Variants in ARHGAP28 observed in about 807,000 individuals in gnomAD.
ARHGAP28 encodes the protein Rho GTPase activating protein 28.
Under a neutral mutation model 90.7 loss-of-function variants are expected in ARHGAP28, and 56 were observed. That is an observed-to-expected ratio of 0.62 (90% CI 0.50 to 0.77). ARHGAP28 has a LOEUF of 0.77. Among genes scored for constraint, ARHGAP28 ranks in the 30% least tolerant of loss-of-function variants. ARHGAP28 has a pLI of 0.00. For missense variants in ARHGAP28, 869 were observed against 900.9 expected, an observed-to-expected ratio of 0.96 and a Z score of 0.45; for synonymous variants, 308 against 323.3, an observed-to-expected ratio of 0.95 and a Z score of 0.51.
chr18:6,775,980 A>G (rs1404366927), intron 1 of ARHGAP28, among the ~76,000 whole-genome samples: 2 of 152,188 alleles, frequency 1.3e-5, no homozygotes, highest in African/African-American at 4.8e-5. Context: ...TCTTAAAGCC[A>G]AAGTGGGGAA....
At chr18:6,802,512 A>G (rs1380844828) in intron 1 of ARHGAP28, among the ~76,000 whole-genome samples, 1 of 151,546 alleles carries the variant, frequency 6.6e-6, no homozygotes, top group African/African-American at 2.4e-5. Flanking sequence ...CATCTGGCTA[A>G]TTTTTGTATT....
chr18:6,837,302 C>A lies in ARHGAP28; in HGVS notation c.431C>A (p.Thr144Asn). 6.2e-7 allele frequency: 1 copy of A among 1,613,072 alleles called. No individual in the cohort carries two copies. Among genetic ancestry groups the A allele is most frequent in the Non-Finnish European group, 8.5e-7 (1 of 1,179,640 alleles). The change falls in exon 3 of 18, where the codon ACC (threonine) becomes AAC (asparagine). Residue 144 changes from threonine (T) to asparagine (N), a missense_variant. Physicochemically the swap from Thr to Asn is moderately conservative, Grantham distance 65. Transcript: ENST00000383472. Reference protein sequence around the residue: ...GKALLSTLTRTQAAAVQKRYH... With the variant: ...GKALLSTLTRNQAAAVQKRYH... ...GCCTTGCTCTCCACATTGACTCGAA[C>A]CCAAGCAGCTGCCGTGCAAAAGAGA...
At chr18:6,894,088 A>G (rs2057287345) in intron 14 of ARHGAP28, among the ~76,000 whole-genome samples, 1 of 152,052 alleles carries the variant, frequency 6.6e-6, no homozygotes, top group Non-Finnish European at 1.5e-5. Flanking sequence ...AGGATGGTCT[A>G]GATCTCCCGA....
At chr18:6,841,599 T>G (rs2056828588) in intron 3 of ARHGAP28, among the ~76,000 whole-genome samples, 1 of 152,064 alleles carries the variant, frequency 6.6e-6, no homozygotes, top group Non-Finnish European at 1.5e-5. Flanking sequence ...CTTAATTTTT[T>G]TTTGCACATA....
chr18:6,827,451 G>T (rs1415719927), intron 2 of ARHGAP28, among the ~76,000 whole-genome samples: 1 of 146,992 alleles, frequency 6.8e-6, no homozygotes, highest in Non-Finnish European at 1.5e-5. Context: ...GGGGCGGCTG[G>T]CCGGGCAGAG....
chr18:6,848,293 T>C (rs1250124444), intron 3 of ARHGAP28, among the ~76,000 whole-genome samples: 3 of 152,144 alleles, frequency 2.0e-5, no homozygotes, highest in Non-Finnish European at 4.4e-5. Context: ...CAATATAATA[T>C]ATTTCTAGGT....
chr18:6,795,222 C>T (rs1042866305), intron 1 of ARHGAP28, among the ~76,000 whole-genome samples: 1 of 152,090 alleles, frequency 6.6e-6, no homozygotes, highest in Non-Finnish European at 1.5e-5. Flanking sequence ...AAAAGCAACG[C>T]GTTTTCATTG....
chr18:6,887,832 A>C (rs1029863769), intron 12 of ARHGAP28, among the ~76,000 whole-genome samples: 1 of 152,226 alleles, frequency 6.6e-6, no homozygotes, highest in Non-Finnish European at 1.5e-5. Context: ...AGAGGCAAAA[A>C]TGAAGGCTTA....
chr18:6,817,968 G>A (rs1028560771), intron 1 of ARHGAP28, among the ~76,000 whole-genome samples: 3 of 152,148 alleles, frequency 2.0e-5, no homozygotes, highest in Non-Finnish European at 2.9e-5. Flanking sequence ...ACATTTTTAT[G>A]TACTTGTTAT....
At chr18:6,765,376 G>A (rs1472755990) in intron 1 of ARHGAP28, among the ~76,000 whole-genome samples, 1 of 152,036 alleles carries the variant, frequency 6.6e-6, no homozygotes, top group Non-Finnish European at 1.5e-5. Context: ...ATCTTTCAAG[G>A]CATTTGTCCA....
intron 1 of ARHGAP28, among the ~76,000 whole-genome samples, chr18:6,801,662 G>C (rs181447720): frequency 6.6e-6 from 1 of 151,998 alleles, no homozygotes; most frequent in African/African-American, 2.4e-5. Flanking sequence ...TATTTTGGGA[G>C]TACCTAAGAT....
intron 1 of ARHGAP28, among the ~76,000 whole-genome samples, chr18:6,805,431 C>T (rs2056510756): frequency 6.6e-6 from 1 of 151,078 alleles, no homozygotes; most frequent in South Asian, 2.1e-4. Flanking sequence ...TATTTATGTC[C>T]AGCATACTGT....
At chr18:6,809,542 A>G (rs1286459344) in intron 1 of ARHGAP28, among the ~76,000 whole-genome samples, 1 of 152,138 alleles carries the variant, frequency 6.6e-6, no homozygotes, top group African/African-American at 2.4e-5. Flanking sequence ...ATCAGGGCAG[A>G]AGGTGAAGGG....
intron 1 of ARHGAP28, among the ~76,000 whole-genome samples, chr18:6,794,427 C>A (rs993883120): frequency 2.0e-5 from 3 of 152,152 alleles, no homozygotes; most frequent in African/African-American, 4.8e-5. Context: ...TGCAGAGGAA[C>A]CTTGGAACTG....
chr18:6,900,320 G>T (rs939620391), intron 16 of ARHGAP28, among the ~76,000 whole-genome samples: 3 of 151,928 alleles, frequency 2.0e-5, no homozygotes, highest in African/African-American at 7.3e-5. Flanking sequence ...AACAAACCAC[G>T]AAGTCAACAC....
intron 14 of ARHGAP28, among the ~76,000 whole-genome samples, chr18:6,890,937 G>C (rs2057260560): frequency 6.6e-6 from 1 of 152,202 alleles, no homozygotes. Flanking sequence ...TAAAGGAATA[G>C]CTAATCCTTA....
At chr18:6,841,278 T>A (rs1031305322) in intron 3 of ARHGAP28, among the ~76,000 whole-genome samples, 2 of 132,776 alleles carry the variant, frequency 1.5e-5, no homozygotes, top group African/African-American at 2.9e-5. Flanking sequence ...TTGGTCTCCC[T>A]CCCTATTCCT....
In ARHGAP28 at chr18:6,859,095, C is replaced by CA. The variant is rs5822927; in HGVS notation, c.637-707dup. On this transcript the variant is annotated intron_variant, in intron 4 of 17. Transcript: ENST00000383472. ...TTTATTAAAACAACAACAACAACAA[C>CA]AAAAAACAAAATTTGGTACTATTGC... Among the ~76,000 whole-genome samples, 441 of 150,124 alleles carry CA rather than the reference C, an allele frequency of 2.9e-3. 1 individual carries two copies. The highest frequency in any genetic ancestry group is 7.6e-3 in the African/African-American group (309 of 40,624).
chr18:6,741,220 G>C (rs567080195), intron 1 of ARHGAP28, among the ~76,000 whole-genome samples: 1 of 152,114 alleles, frequency 6.6e-6, no homozygotes, highest in Non-Finnish European at 1.5e-5. Flanking sequence ...AGAGCTGACT[G>C]TAAGTTTCCA....
Sources: allele counts gnomAD v4.1 joint callset (sites outside exome capture counted in the v4.1 genomes callset), GRCh38; gene constraint gnomAD v4.1.1; transcripts MANE v1.5; gene names NCBI Gene and HGNC (gene_info 2026-07-23, HGNC 2026-07-21).